The following ESRRG variants were observed in gnomAD, a reference collection of about 807,000 sequenced individuals.
ESRRG encodes estrogen related receptor gamma.
Under a neutral mutation model 44.0 loss-of-function variants are expected in ESRRG, and 13 were observed. The observed-to-expected ratio is 0.30, with a 90% CI of 0.19 to 0.47. ESRRG has a LOEUF of 0.47. Among genes scored for constraint, ESRRG ranks in the 20% least tolerant of loss-of-function variants. The pLI is 1.00. For synonymous variants in ESRRG, 215 were observed against 214.6 expected (o/e 1.00, Z -0.02); for missense variants, 395 against 580.6 (o/e 0.68, Z 3.29).
chr1:216,936,524 C>G (rs1044248283), intron 2 of ESRRG: 1 of 151,798 alleles, frequency 6.6e-6, no homozygotes, highest in Non-Finnish European at 1.5e-5. Context: ...CACACACACA[C>G]GAGTATAAAT....
intron 3 of ESRRG, among the ~76,000 whole-genome samples, chr1:216,615,297 T>C (rs1023633276): frequency 6.6e-6 from 1 of 152,214 alleles, no homozygotes; most frequent in African/African-American, 2.4e-5. Flanking sequence ...AACAAAAATA[T>C]ATCTAGACTC....
intron 3 of ESRRG, among the ~76,000 whole-genome samples, chr1:216,650,445 CAT>C (rs1377428513): frequency 6.6e-6 from 1 of 152,106 alleles, no homozygotes; most frequent in East Asian, 1.9e-4. Context: ...GCACAGAACA[CAT>C]GTCACTGTTG....
chr1:217,041,015 C>T (rs2083763428), intron 1 of ESRRG, among the ~76,000 whole-genome samples: 1 of 152,184 alleles, frequency 6.6e-6, no homozygotes, highest in African/African-American at 2.4e-5. Context: ...TCCTTTTTTA[C>T]ATTGGGAACC....
intron 3 of ESRRG, among the ~76,000 whole-genome samples, chr1:216,648,944 G>A (rs2068263414): frequency 6.6e-6 from 1 of 152,070 alleles, no homozygotes; most frequent in Non-Finnish European, 1.5e-5. Flanking sequence ...ATTAAGGCCA[G>A]AAATTGACTG....
chr1:216,576,217 T>C (rs1279028673), intron 3 of ESRRG, among the ~76,000 whole-genome samples: 1 of 151,980 alleles, frequency 6.6e-6, no homozygotes, highest in East Asian at 1.9e-4. Context: ...TGCTGGAATA[T>C]CATGACAACA....
chr1:216,989,006 G>T (rs1294869418), intron 1 of ESRRG, among the ~76,000 whole-genome samples: 5 of 152,144 alleles, frequency 3.3e-5, no homozygotes, highest in African/African-American at 4.8e-5. Flanking sequence ...CTTCCACCAT[G>T]AGACTTGAAA....
intron 2 of ESRRG, among the ~76,000 whole-genome samples, chr1:216,831,335 A>G (rs1033682027): frequency 2.6e-5 from 4 of 152,190 alleles, no homozygotes; most frequent in Non-Finnish European, 4.4e-5. Flanking sequence ...TAATTGCATT[A>G]TTAGCAAAAA....
intron 2 of ESRRG, among the ~76,000 whole-genome samples, chr1:216,889,566 A>G (rs946032179): frequency 3.3e-5 from 5 of 152,204 alleles, no homozygotes; most frequent in African/African-American, 1.2e-4. Flanking sequence ...TTGCAAACCC[A>G]TCGTGCACCA....
intron 2 of ESRRG, among the ~76,000 whole-genome samples, chr1:216,729,434 G>A (rs939893807): frequency 2.6e-5 from 4 of 152,116 alleles, no homozygotes; most frequent in African/African-American, 9.7e-5. Context: ...GCAAGAGAAA[G>A]GCATTGTAAT....
intron 3 of ESRRG, among the ~76,000 whole-genome samples, chr1:216,631,013 C>T (rs11572718): frequency 0.012 from 1,793 of 149,838 alleles, 45 homozygotes; most frequent in African/African-American, 0.042. Context: ...TTGTCAGTGA[C>T]GGGGAAAAAT....
At chr1:217,077,589 A>G (rs1404232236) in intron 1 of ESRRG, among the ~76,000 whole-genome samples, 4 of 152,202 alleles carry the variant, frequency 2.6e-5, no homozygotes, top group Non-Finnish European at 5.9e-5. Flanking sequence ...CCAGACTGCA[A>G]TCCTAGCGAA....
In ESRRG at chr1:216,703,509, C is replaced by T. The variant is rs78222253; in HGVS notation, c.56+19735G>A. Among the ~76,000 whole-genome samples, 582 of 151,858 alleles carry T rather than the reference C, an allele frequency of 3.8e-3. 2 individuals carry two copies. The highest frequency in any genetic ancestry group is 0.013 in the African/African-American group (549 of 41,374). On this transcript the variant is annotated intron_variant, in intron 1 of 6. Transcript: ENST00000408911. ...TTCCAGTGACTCTGTGAGAAGTAGC[C>T]TGATTTTCAGGAAAAGGTAATTTAA...
chr1:216,883,386 GAAAAAAAAAAAAAAAAA>G (rs11318094), intron 2 of ESRRG, among the ~76,000 whole-genome samples: 1 of 75,842 alleles, frequency 1.3e-5, no homozygotes, highest in African/African-American at 4.3e-5. Context: ...ACTTCTCTGA[GAAAAAAAAAAAAAAAAA>G]AAAAAAAAAA....
intron 2 of ESRRG, among the ~76,000 whole-genome samples, chr1:216,854,836 T>A (rs560635672): frequency 2.0e-5 from 3 of 147,094 alleles, no homozygotes; most frequent in South Asian, 2.1e-4. Context: ...GAAAAAAAAA[T>A]TTTGACAAAA....
At chr1:216,774,824 T>C (rs2152408837) in intron 2 of ESRRG, among the ~76,000 whole-genome samples, 1 of 104,608 alleles carries the variant, frequency 9.6e-6, no homozygotes, top group East Asian at 2.7e-4. Context: ...GACAGAATCT[T>C]GCTCTGTCAA....
chr1:217,103,096 G>A (rs1471562952), intron 1 of ESRRG, among the ~76,000 whole-genome samples: 1 of 152,106 alleles, frequency 6.6e-6, no homozygotes, highest in African/African-American at 2.4e-5. Context: ...AGTCTGGAAG[G>A]CTTGGATTGG....
chr1:216,627,197 T>A (rs746309135), intron 3 of ESRRG, among the ~76,000 whole-genome samples: 1 of 152,192 alleles, frequency 6.6e-6, no homozygotes, highest in Non-Finnish European at 1.5e-5. Flanking sequence ...GAATAACTAG[T>A]TTGTAGCTAC....
At chr1:216,843,412 T>G (rs576554202) in intron 2 of ESRRG, among the ~76,000 whole-genome samples, 1 of 152,260 alleles carries the variant, frequency 6.6e-6, no homozygotes, top group East Asian at 1.9e-4. Context: ...AATTAAAAGA[T>G]GTTGAATTAC....
chr1:216,811,984 C>T (rs1336670887), intron 2 of ESRRG, among the ~76,000 whole-genome samples: 1 of 152,162 alleles, frequency 6.6e-6, no homozygotes, highest in Non-Finnish European at 1.5e-5. Context: ...GGAGCTGACT[C>T]TGGCACACGG....
Sources: gnomAD v4.1 joint callset for allele counts (sites outside exome capture counted in the v4.1 genomes callset) on GRCh38, gnomAD v4.1.1 for gene constraint, MANE v1.5 for transcripts, NCBI Gene and HGNC (gene_info 2026-07-23, HGNC 2026-07-21) for gene names.